Variants in B3GNT3 observed in about 807,000 individuals in gnomAD.
B3GNT3 encodes the protein N-acetyllactosaminide beta-1,3-N-acetylglucosaminyltransferase 3.
A neutral mutation model predicts 11.6 loss-of-function variants in B3GNT3; 7 were observed. That is an observed-to-expected ratio of 0.60 (90% confidence interval 0.34 to 1.13). The LOEUF (loss-of-function observed/expected upper bound fraction) is 1.13. B3GNT3 is among the 50% of genes most tolerant of loss of function. The pLI, the probability that B3GNT3 is intolerant of heterozygous loss-of-function variation, is 0.03. For synonymous variants in B3GNT3, 201 were observed against 222.1 expected (o/e 0.90, Z 0.85); for missense variants, 400 against 507.4 (o/e 0.79, Z 2.03).
At chr19:17,804,246 T>C (rs942841345) in intron 1 of B3GNT3, among the ~76,000 whole-genome samples, 5 of 147,352 alleles carry the variant, frequency 3.4e-5, no homozygotes, top group African/African-American at 9.9e-5. Context: ...TTTTCTTTTT[T>C]TTTTTTTTTT....
At chr19:17,804,555 T>TTTTTTTTTTG (rs2094170680) in intron 1 of B3GNT3, among the ~76,000 whole-genome samples, 1 of 141,630 alleles carries the variant, frequency 7.1e-6, no homozygotes, top group African/African-American at 2.7e-5. Flanking sequence ...TTTTTTTTTT[T>TTTTTTTTTTG]GAGACATAGT....
intron 2 of B3GNT3, among the ~76,000 whole-genome samples, chr19:17,808,874 C>G (rs1236782187): frequency 6.6e-6 from 1 of 152,042 alleles, no homozygotes; most frequent in African/African-American, 2.4e-5. Context: ...GAGTCTTGCT[C>G]TGTTGCCCAG....
rs1294835158 is a variant in B3GNT3, at chr19:17,811,954, C to A, written c.951C>A (p.Ile317=). 1 of 1,610,722 alleles carries A rather than the reference C, an allele frequency of 6.2e-7. No individual in the cohort carries two copies. The highest frequency in any genetic ancestry group is 1.1e-5 in the South Asian group (1 of 91,088). ...TGAAGCCTGCCTCCCACAGCGGCAT[C>A]CGCACGTCTGGCGTGCGGGCTCCAT... is the stretch of plus-strand genomic sequence containing the variant. The part of the protein sequence containing the change: ...EGLKPASHSG[I]RTSGVRAPSQ... The change falls in exon 3 of 3, where the codon ATC becomes ATA. Residue 317 remains isoleucine (I), a synonymous_variant. Transcript: ENST00000318683. This position sits in a 1 kb window ranked among gnomAD's most constrained non-coding sequence, Gnocchi z 4.1.
At chr19:17,801,445 CA>C (rs2094166055) in intron 1 of B3GNT3, among the ~76,000 whole-genome samples, 1 of 151,052 alleles carries the variant, frequency 6.6e-6, no homozygotes, top group Admixed American at 6.6e-5. Context: ...GCCTCTCAAA[CA>C]GCTGGGATTA....
At chr19:17,808,769 G>A (rs2147653825) in intron 2 of B3GNT3, among the ~76,000 whole-genome samples, 1 of 152,234 alleles carries the variant, frequency 6.6e-6, no homozygotes, top group East Asian at 1.9e-4. Context: ...AGTTTATAAG[G>A]CACCCAGACC....
At chr19:17,806,055 C>T (rs1008967277) in intron 1 of B3GNT3, among the ~76,000 whole-genome samples, 3 of 152,134 alleles carry the variant, frequency 2.0e-5, no homozygotes, top group African/African-American at 7.2e-5. Flanking sequence ...GCAGCCTCCA[C>T]CTCCTGGGTT....
In B3GNT3 at chr19:17,811,959, C is replaced by T. The variant is rs76106223; in HGVS notation, c.956C>T (p.Thr319Met). 11,763 of 1,609,846 alleles carry T rather than the reference C, an allele frequency of 7.3e-3. 96 individuals are homozygous for T. Among genetic ancestry groups the T allele is most frequent in the African/African-American group, 0.031 (2,324 of 75,050 alleles). The part of the protein sequence containing the change: ...LKPASHSGIR[T>M]SGVRAPSQRL... ...CCTGCCTCCCACAGCGGCATCCGCA[C>T]GTCTGGCGTGCGGGCTCCATCGCAA... The change falls in exon 3 of 3, where the codon ACG (threonine) becomes ATG (methionine). Residue 319 changes from threonine (T) to methionine (M), a missense_variant. Coordinates refer to ENST00000318683, the MANE Select transcript of B3GNT3 (RefSeq NM_014256.4). The surrounding 1 kb of genome is among the most constrained non-coding windows in gnomAD (Gnocchi z 4.1).
At chr19:17,804,460 G>A (rs11883329) in intron 1 of B3GNT3, among the ~76,000 whole-genome samples, 8,348 of 146,200 alleles carry the variant, frequency 0.057, 267 homozygotes, top group Middle Eastern at 0.078. Flanking sequence ...GGCTGATCTC[G>A]AACTCCTGAG....
rs774816759 is a variant in B3GNT3, at chr19:17,813,429, G to A, written c.*1307G>A. The stretch of plus-strand genomic sequence containing the variant: ...ATTGCGCCACTGTACTCCACTGGGC[G>A]GCAATAAGAAGACAAAAACATAAAA... On this transcript the variant is annotated 3_prime_UTR_variant, in exon 3 of 3. Coordinates refer to ENST00000318683, the MANE Select transcript of B3GNT3 (RefSeq NM_014256.4). Among the ~76,000 whole-genome samples, 20 of 151,988 alleles carry A rather than the reference G, an allele frequency of 1.3e-4. No individual in the cohort carries two copies. The highest frequency in any genetic ancestry group is 2.5e-4 in the Non-Finnish European group (17 of 68,008).
chr19:17,799,792 C>CT (rs1232420628), intron 1 of B3GNT3, among the ~76,000 whole-genome samples: 1 of 20,764 alleles, frequency 4.8e-5, no homozygotes, highest in Non-Finnish European at 1.0e-4. Flanking sequence ...GTATCCAGGC[C>CT]GGTTAGGGGT....
At chr19:17,800,401 G>A (rs1209647873) in intron 1 of B3GNT3, among the ~76,000 whole-genome samples, 1 of 152,008 alleles carries the variant, frequency 6.6e-6, no homozygotes, top group Non-Finnish European at 1.5e-5. Context: ...AAAGAAACAG[G>A]GATGAGGGCG....
At chr19:17,802,800 C>T (rs886802421) in intron 1 of B3GNT3, among the ~76,000 whole-genome samples, 6 of 152,062 alleles carry the variant, frequency 3.9e-5, no homozygotes, top group Non-Finnish European at 7.4e-5. Flanking sequence ...ACCTCAGCCT[C>T]CCGAGTAGCT....
intron 1 of B3GNT3, among the ~76,000 whole-genome samples, chr19:17,802,852 ACT>A (rs1491409498): frequency 6.7e-6 from 1 of 149,608 alleles, no homozygotes; most frequent in Non-Finnish European, 1.5e-5. Context: ...TAATTTTTTT[ACT>A]TTTTTTTTTA....
chr19:17,811,682 C>A lies in B3GNT3; in HGVS notation c.679C>A (p.His227Asn), dbSNP rs776991078. Residue 227 changes from histidine (H) to asparagine (N), a missense_variant, in exon 3 of 3, where the codon CAT becomes AAT. Physicochemically the swap from His to Asn is moderately conservative, Grantham distance 68 (BLOSUM62 1). Transcript: ENST00000318683. This position sits in a 1 kb window ranked among gnomAD's most constrained non-coding sequence, Gnocchi z 4.1. ...CAACATGGTCTTCTACCTGCAGGAC[C>A]ATGACCCTGGCCGCCACCTCTTCGT... ...TDNMVFYLQDHDPGRHLFVGQ... is the reference protein window; with the variant it reads ...TDNMVFYLQDNDPGRHLFVGQ... 11 of 1,614,234 alleles carry A rather than the reference C, an allele frequency of 6.8e-6. No individual in the cohort carries two copies. Among genetic ancestry groups the A allele is most frequent in the Middle Eastern group, 1.6e-4 (1 of 6,062 alleles).
intron 1 of B3GNT3, among the ~76,000 whole-genome samples, chr19:17,804,240 C>CTTTTTTTTTT (rs773524591): frequency 7.8e-4 from 87 of 112,170 alleles, no homozygotes; most frequent in Non-Finnish European, 9.6e-4. Context: ...TCTTTTTTTT[C>CTTTTTTTTTT]TTTTTTTTTT....
In B3GNT3 at chr19:17,801,785, C is replaced by A. The variant is rs866088971; in HGVS notation, c.-50-5973C>A. On this transcript the variant is annotated intron_variant, in intron 1 of 2. Coordinates refer to ENST00000318683, the MANE Select transcript of B3GNT3 (RefSeq NM_014256.4). Reference sequence around the variant, plus strand: ...AGGCACTCACCACCACCACACCAGGCTAATTAAAAAAATTTTTTTTGGCTG... The same window carrying A: ...AGGCACTCACCACCACCACACCAGGATAATTAAAAAAATTTTTTTTGGCTG... Among the ~76,000 whole-genome samples, 9 of 152,074 alleles carry A rather than the reference C, an allele frequency of 5.9e-5. No homozygotes were observed. In the Middle Eastern group the frequency reaches 0.01, roughly 172 times the overall value.
In B3GNT3 at chr19:17,808,171, CGCCGCGAGCTGCTGCGGCGCACGTGGG is replaced by C. The variant is rs577972524; in HGVS notation, c.374_400del (p.Leu125_Glu133del). 107 of 1,611,142 alleles carry C rather than the reference CGCCGCGAGCTGCTGCGGCGCACGTGGG, an allele frequency of 6.6e-5. No individual in the cohort carries two copies. In the East Asian group the frequency reaches 1.1e-3, roughly 17 times the overall value. On this transcript the variant is annotated inframe_deletion, in exon 2 of 3. Transcript: ENST00000318683. The stretch of plus-strand genomic sequence containing the variant: ...CAAGTCCTCCCCTAGCAACTATGTG[CGCCGCGAGCTGCTGCGGCGCACGTGGG>C]GCCGCGAGCGCAAGGTACGGGGTTT...
chr19:17,809,933 C>T (rs2094178468), intron 2 of B3GNT3, among the ~76,000 whole-genome samples: 1 of 152,124 alleles, frequency 6.6e-6, no homozygotes, highest in African/African-American at 2.4e-5. Flanking sequence ...GAGGTACAGA[C>T]AGGCCTGGGT....
chr19:17,799,027 G>A (rs12980842), intron 1 of B3GNT3, among the ~76,000 whole-genome samples: 19,303 of 152,122 alleles, frequency 0.13, 1,472 homozygotes, highest in African/African-American at 0.22. Flanking sequence ...GCCACTTGGA[G>A]AAAAGGCCAC....
Sources: gnomAD v4.1 joint callset for allele counts (sites outside exome capture counted in the v4.1 genomes callset) on GRCh38, gnomAD v4.1.1 for gene constraint, Gnocchi (gnomAD v3.1) non-coding constraint, MANE v1.5 for transcripts, NCBI Gene and HGNC (gene_info 2026-07-23, HGNC 2026-07-21) for gene names.